NXNL2: variants seen among roughly 807,000 people sequenced by gnomAD.
The protein encoded by NXNL2 is nucleoredoxin like 2, also known as nucleoredoxin-like protein 2.
NXNL2 carries 7 observed loss-of-function variants against 11.1 expected under a neutral mutation model. The ratio of observed to expected loss-of-function variants is 0.63; its 90% CI spans 0.36 to 1.18. The LOEUF is 1.18. Among genes scored for constraint, NXNL2 ranks in the 50% most tolerant of loss-of-function variants. The probability of loss-of-function intolerance (pLI) is 0.02; values close to 1 mark genes in which losing one functional copy is unlikely to be tolerated. For synonymous variants in NXNL2, 109 were observed against 101.8 expected (o/e 1.07, Z -0.42); for missense variants, 233 against 217.7 (o/e 1.07, Z -0.44).
intron 1 of NXNL2, among the ~76,000 whole-genome samples, chr9:88,582,611 T>C (rs541608416): frequency 4.6e-5 from 7 of 151,492 alleles, no homozygotes; most frequent in Admixed American, 6.6e-5. Flanking sequence ...TTCCTTCCTT[T>C]CTTCCTTCCT....
chr9:88,539,891 T>G (rs1441785575), intron 1 of NXNL2: 1 of 152,114 alleles, frequency 6.6e-6, no homozygotes, highest in Non-Finnish European at 1.5e-5. Flanking sequence ...TTTCGCCATG[T>G]GAACAGGTCT....
chr9:88,565,718 G>C (rs1002917858), intron 1 of NXNL2, among the ~76,000 whole-genome samples: 2 of 152,028 alleles, frequency 1.3e-5, no homozygotes, highest in Non-Finnish European at 2.9e-5. Flanking sequence ...TGTATTTTTA[G>C]TAGAGAGAGG....
At chr9:88,570,885 G>A (rs1830251330) in intron 1 of NXNL2, among the ~76,000 whole-genome samples, 1 of 151,854 alleles carries the variant, frequency 6.6e-6, no homozygotes, top group Admixed American at 6.6e-5. Flanking sequence ...TGGGATTACA[G>A]GAGTGCACCA....
chr9:88,573,389 CT>C (rs1402686575), intron 2 of NXNL2, among the ~76,000 whole-genome samples: 2 of 152,202 alleles, frequency 1.3e-5, no homozygotes, highest in Non-Finnish European at 2.9e-5. Flanking sequence ...AGTGATCCCC[CT>C]GCCTCAGCCT....
chr9:88,554,393 T>TG (rs1829984286), intron 1 of NXNL2, among the ~76,000 whole-genome samples: 1 of 152,076 alleles, frequency 6.6e-6, no homozygotes, highest in Non-Finnish European at 1.5e-5. Flanking sequence ...TTAGTAGAGA[T>TG]GGGGTTTCAC....
downstream of NXNL2, among the ~76,000 whole-genome samples, chr9:88,579,340 C>G (rs1479344762): frequency 3.9e-5 from 6 of 152,290 alleles, no homozygotes; most frequent in Non-Finnish European, 7.4e-5. Context: ...AGTTACAGGA[C>G]CCACGGGGTG....
In NXNL2 at chr9:88,535,307, G is replaced by T; in HGVS notation, c.-128G>T. 1.1e-6 allele frequency: 1 copy of T among 920,198 alleles called. No homozygotes were observed. Among genetic ancestry groups the T allele is most frequent in the Non-Finnish European group, 1.6e-6 (1 of 631,110 alleles). The allele number at this position is 920,198 out of a possible 1,614,324, so 57.0% of individuals were successfully genotyped here. A position where few individuals can be genotyped will look rare whatever the true frequency, so the allele number is the denominator to read the frequency against. Reference sequence around the variant, plus strand: ...CAAGGTGTGGGCGCATCTGGGGCAGGTCTTGAGAGGTCCAGCGCCCGGTGG... The same window carrying T: ...CAAGGTGTGGGCGCATCTGGGGCAGTTCTTGAGAGGTCCAGCGCCCGGTGG... On this transcript the variant is annotated 5_prime_UTR_variant, in exon 1 of 2. Coordinates refer to ENST00000375854, the MANE Select transcript of NXNL2 (RefSeq NM_001161625.2).
chr9:88,548,778 C>T (rs1000636736), downstream of NXNL2, among the ~76,000 whole-genome samples: 1 of 151,640 alleles, frequency 6.6e-6, no homozygotes, highest in African/African-American at 2.4e-5. Flanking sequence ...ATGTTTCTGT[C>T]CGGTATAATC....
intron 1 of NXNL2, among the ~76,000 whole-genome samples, chr9:88,558,415 C>A (rs1038855756): frequency 6.6e-6 from 1 of 152,126 alleles, no homozygotes; most frequent in African/African-American, 2.4e-5. Context: ...CCTCAGACAT[C>A]CTTACATAAT....
rs146130488 is a variant in NXNL2 at position 88,571,674 on chromosome 9, G to T, written c.*16+466G>T. ...AGCAAGGGTTGAATTAAACTAAATG[G>T]CAAGTTCCTGTGTCAGTAGGTTTAG... is the stretch of plus-strand genomic sequence containing the variant. On this transcript the variant is annotated intron_variant, in intron 2 of 2. Coordinates refer to the NXNL2 transcript ENST00000375855. Among the ~76,000 whole-genome samples, 205 of 152,214 alleles carry T rather than the reference G, an allele frequency of 1.3e-3. 2 individuals carry two copies. Among genetic ancestry groups the T allele is most frequent in the South Asian group, 2.9e-3 (14 of 4,814 alleles).
chr9:88,560,590 G>A lies in NXNL2; in HGVS notation c.303-10497G>A, dbSNP rs1293314854. Among the ~76,000 whole-genome samples, 4 of 152,238 alleles carry A rather than the reference G, an allele frequency of 2.6e-5. No individual in the cohort carries two copies. The South Asian group carries it at 6.2e-4, about 24-fold the overall frequency. The stretch of plus-strand genomic sequence containing the variant: ...GAGAAGAGCATGCAGAAGTATCTTG[G>A]CTATGCCAGGTTCAAGAGCAAAGAA... On this transcript the variant is annotated intron_variant, in intron 1 of 2. Transcript: ENST00000375855.
At chr9:88,552,473 G>GGTT (rs796387920) in intron 1 of NXNL2, among the ~76,000 whole-genome samples, 1 of 131,566 alleles carries the variant, frequency 7.6e-6, no homozygotes, top group Non-Finnish European at 1.6e-5. Context: ...AAACATGCAT[G>GGTT]TTTTTTTTTT....
chr9:88,565,149 G>C (rs1383399408), intron 1 of NXNL2, among the ~76,000 whole-genome samples: 1 of 152,182 alleles, frequency 6.6e-6, no homozygotes, highest in Non-Finnish European at 1.5e-5. Context: ...CACTGAGCAT[G>C]ATATCCTCAA....
At chr9:88,574,905 C>A (rs1830326671) in intron 2 of NXNL2, among the ~76,000 whole-genome samples, 1 of 152,196 alleles carries the variant, frequency 6.6e-6, no homozygotes, top group Admixed American at 6.5e-5. Context: ...CTGTCCCCAC[C>A]ATCCTGGGGG....
At chr9:88,579,958 A>G (rs530199109), downstream of NXNL2, among the ~76,000 whole-genome samples, 2 of 151,954 alleles carry the variant, frequency 1.3e-5, no homozygotes, top group Non-Finnish European at 2.9e-5. Flanking sequence ...GTGAAATCCT[A>G]TCTCTACTAA....
chr9:88,575,699 G>A (rs560904519), exon 3 of NXNL2: 11 of 152,170 alleles, frequency 7.2e-5, no homozygotes, highest in Non-Finnish European at 1.5e-4. Flanking sequence ...TAGCACAACA[G>A]TGTGACTACT....
At chr9:88,562,538 A>G (rs1016991458) in intron 1 of NXNL2, among the ~76,000 whole-genome samples, 2 of 152,068 alleles carry the variant, frequency 1.3e-5, no homozygotes, top group Admixed American at 6.6e-5. Flanking sequence ...GGATCACTTG[A>G]GGTCAGGAGT....
At chr9:88,536,527 G>T (rs1829623880) in intron 1 of NXNL2, among the ~76,000 whole-genome samples, 1 of 152,086 alleles carries the variant, frequency 6.6e-6, no homozygotes, top group African/African-American at 2.4e-5. Context: ...AGCAGGCCTC[G>T]TCAAGTATGT....
intron 1 of NXNL2, among the ~76,000 whole-genome samples, chr9:88,560,860 C>T (rs555430492): frequency 1.3e-5 from 2 of 152,110 alleles, no homozygotes; most frequent in Non-Finnish European, 2.9e-5. Flanking sequence ...TGGGCTGAGA[C>T]CCAGAATCTG....
Sources: gnomAD v4.1 joint callset for allele counts (sites outside exome capture counted in the v4.1 genomes callset) on GRCh38, gnomAD v4.1.1 for gene constraint, MANE v1.5 for transcripts, NCBI Gene and HGNC (gene_info 2026-07-23, HGNC 2026-07-21) for gene names.